SUGCT: variants seen among roughly 807,000 people sequenced by gnomAD.
The protein encoded by SUGCT is succinyl-CoA:glutarate-CoA transferase.
SUGCT carries 41 observed loss-of-function variants against 55.0 expected under a neutral mutation model. The observed-to-expected ratio is 0.74, with a 90% CI of 0.58 to 0.97. The LOEUF is 0.97. Ranked by LOEUF, SUGCT falls within the 50% of genes least tolerant of loss-of-function variation. The probability of loss-of-function intolerance (pLI) is 0.00; values close to 1 mark genes in which losing one functional copy is unlikely to be tolerated. For missense variants in SUGCT, 568 were observed against 547.8 expected, an observed-to-expected ratio of 1.04 and a Z score of -0.37; for synonymous variants, 187 against 200.4, an observed-to-expected ratio of 0.93 and a Z score of 0.56.
chr7:40,407,058 A>C (rs1018251221), intron 9 of SUGCT, among the ~76,000 whole-genome samples: 1 of 152,162 alleles, frequency 6.6e-6, no homozygotes, highest in African/African-American at 2.4e-5. Context: ...TTGTCAAAAA[A>C]GATAAAAAAA....
intron 9 of SUGCT, among the ~76,000 whole-genome samples, chr7:40,391,871 C>T (rs1458360611): frequency 6.6e-6 from 1 of 152,132 alleles, no homozygotes; most frequent in Non-Finnish European, 1.5e-5. Flanking sequence ...ATAGCAAAGA[C>T]TTGGAACCAA....
intron 13 of SUGCT, among the ~76,000 whole-genome samples, chr7:40,756,348 T>C (rs1562984163): frequency 6.6e-6 from 1 of 152,206 alleles, no homozygotes; most frequent in Non-Finnish European, 1.5e-5. Context: ...CATTTTTTAT[T>C]AATGGACTGG....
At chr7:40,638,902 T>A (rs1800138984) in intron 12 of SUGCT, among the ~76,000 whole-genome samples, 1 of 152,124 alleles carries the variant, frequency 6.6e-6, no homozygotes, top group Non-Finnish European at 1.5e-5. Flanking sequence ...GAAAGAAATT[T>A]AAGAACCCAT....
chr7:40,243,173 A>T (rs2150899589), intron 7 of SUGCT, among the ~76,000 whole-genome samples: 1 of 150,976 alleles, frequency 6.6e-6, no homozygotes, highest in African/African-American at 2.4e-5. Context: ...ATTTGAAGAG[A>T]TTGGGAATGA....
At chr7:40,210,886 G>T (rs1787296835) in intron 6 of SUGCT, among the ~76,000 whole-genome samples, 1 of 152,180 alleles carries the variant, frequency 6.6e-6, no homozygotes, top group South Asian at 2.1e-4. Context: ...ATCAGAATGA[G>T]TCAGGGTGGT....
In SUGCT at chr7:40,451,349, G is replaced by A. The variant is rs183568661; in HGVS notation, c.888+1991G>A. On this transcript the variant is annotated intron_variant, in intron 10 of 13. Transcript: ENST00000335693. ...TTTTTGATTCATTACTGCCGATCAAGTTAACACTTTTGAACTTCCTCATAA... is the reference window on the plus strand; with the variant it reads ...TTTTTGATTCATTACTGCCGATCAAATTAACACTTTTGAACTTCCTCATAA... 5.9e-5 allele frequency among the ~76,000 whole-genome samples: 9 copies of A among 152,282 alleles called. No individual in the cohort carries two copies. In the East Asian group the frequency reaches 1.7e-3, roughly 29 times the overall value.
intron 12 of SUGCT, among the ~76,000 whole-genome samples, chr7:40,650,005 A>G (rs1800697571): frequency 6.6e-6 from 1 of 152,154 alleles, no homozygotes; most frequent in African/African-American, 2.4e-5. Context: ...CTTTCAGAAG[A>G]CTGCAGTTGA....
intron 9 of SUGCT, among the ~76,000 whole-genome samples, chr7:40,430,430 A>G (rs1366274077): frequency 6.6e-6 from 1 of 152,170 alleles, no homozygotes; most frequent in Non-Finnish European, 1.5e-5. Context: ...GTTTTTGAGC[A>G]CCTTTTAATG....
chr7:40,753,483 T>A (rs746878728), intron 13 of SUGCT, among the ~76,000 whole-genome samples: 1 of 152,210 alleles, frequency 6.6e-6, no homozygotes, highest in Non-Finnish European at 1.5e-5. Flanking sequence ...ACAGTAACAA[T>A]CCTTATTAGG....
rs183927814 is a variant in SUGCT, at chr7:40,172,056, C to T, written c.101-8891C>T. Among the ~76,000 whole-genome samples the T allele has an allele frequency of 2.8e-3, 425 of 152,128 alleles. 1 individual carries two copies. Among genetic ancestry groups the T allele is most frequent in the African/African-American group, 9.5e-3 (395 of 41,504 alleles). On this transcript the variant is annotated intron_variant, in intron 1 of 13. Transcript: ENST00000335693. ...GGATTTTGGGAACACGGTGGAAGGA[C>T]GTTAGCTTGTTGCCCCCATTTGCCA...
chr7:40,618,189 A>G (rs1162408574), intron 12 of SUGCT, among the ~76,000 whole-genome samples: 1 of 152,156 alleles, frequency 6.6e-6, no homozygotes, highest in African/African-American at 2.4e-5. Flanking sequence ...TTAGAGTACT[A>G]CTTGATATCT....
chr7:40,653,598 C>T (rs1395719621), intron 12 of SUGCT, among the ~76,000 whole-genome samples: 1 of 152,106 alleles, frequency 6.6e-6, no homozygotes, highest in Non-Finnish European at 1.5e-5. Flanking sequence ...CTCCTTTTCC[C>T]TCCCTTTCAG....
chr7:40,139,517 ATGCT>A (rs1787876271), intron 1 of SUGCT, among the ~76,000 whole-genome samples: 1 of 152,118 alleles, frequency 6.6e-6, no homozygotes, highest in African/African-American at 2.4e-5. Context: ...CATTTTTGAT[ATGCT>A]TGTTTGTCTT....
intron 13 of SUGCT, among the ~76,000 whole-genome samples, chr7:40,819,882 A>C (rs1475048727): frequency 6.6e-6 from 1 of 152,172 alleles, no homozygotes; most frequent in East Asian, 1.9e-4. Context: ...TAGGGTTTTT[A>C]TGGTTTTAGG....
At chr7:40,937,035 T>C in the SUGCT span, among the ~76,000 whole-genome samples, 1 of 152,230 alleles carries the variant, frequency 6.6e-6, no homozygotes, top group Non-Finnish European at 1.5e-5. Flanking sequence ...TCCTGGAGAA[T>C]TTCTGTATGC....
chr7:40,545,416 G>T (rs1794936421), intron 12 of SUGCT, among the ~76,000 whole-genome samples: 1 of 152,116 alleles, frequency 6.6e-6, no homozygotes, highest in Non-Finnish European at 1.5e-5. Context: ...TAGTTCTGTT[G>T]GTCAAGGTCT....
At chr7:40,683,294 T>C (rs1382468027) in intron 12 of SUGCT, among the ~76,000 whole-genome samples, 1 of 152,208 alleles carries the variant, frequency 6.6e-6, no homozygotes, top group Non-Finnish European at 1.5e-5. Context: ...TTAAAGCCTG[T>C]GTAGCCCTGA....
intron 13 of SUGCT, chr7:40,793,225 A>T (rs755523141): frequency 6.6e-6 from 1 of 152,098 alleles, no homozygotes; most frequent in African/African-American, 2.4e-5. Flanking sequence ...GGCAACAAAA[A>T]TTGGAATTTG....
intron 1 of SUGCT, among the ~76,000 whole-genome samples, chr7:40,163,691 C>T (rs749292109): frequency 2.5e-4 from 38 of 151,882 alleles, no homozygotes; most frequent in Non-Finnish European, 5.1e-4. Flanking sequence ...GTGTATGCAG[C>T]CACCCACTTG....
Sources: gnomAD v4.1 joint callset for allele counts (sites outside exome capture counted in the v4.1 genomes callset) on GRCh38, gnomAD v4.1.1 for gene constraint, MANE v1.5 for transcripts, NCBI Gene and HGNC (gene_info 2026-07-23, HGNC 2026-07-21) for gene names.